PXDNL: variants seen among roughly 807,000 people sequenced by gnomAD.
PXDNL encodes the protein peroxidasin like, also known as probable oxidoreductase PXDNL.
Under a neutral mutation model 150.8 loss-of-function variants are expected in PXDNL, and 145 were observed. The observed-to-expected ratio is 0.96, with a 90% CI of 0.84 to 1.10. The LOEUF (loss-of-function observed/expected upper bound fraction) is 1.10. PXDNL is among the 50% of genes least tolerant of loss of function. PXDNL has a pLI of 0.00. For missense variants in PXDNL, 2,087 were observed against 1,873.9 expected (o/e 1.11, Z -2.10); for synonymous variants, 757 against 725.7 (o/e 1.04, Z -0.69).
chr8:51,673,069 C>T lies in PXDNL; in HGVS notation c.165-18309G>A, dbSNP rs1036050473. Among the ~76,000 whole-genome samples, 9 of 152,132 alleles carry T rather than the reference C, an allele frequency of 5.9e-5. No individual in the cohort carries two copies. In the South Asian group the frequency reaches 1.0e-3, roughly 18 times the overall value. ...AAATTTTGAAAACACTTGGGAAATA[C>T]GCACACACATTCTTCAAATATTAGA... is the stretch of plus-strand genomic sequence containing the variant. On this transcript the variant is annotated intron_variant, in intron 1 of 22. Transcript: ENST00000356297.
chr8:51,634,319 A>G (rs971550155), intron 2 of PXDNL, among the ~76,000 whole-genome samples: 2 of 151,994 alleles, frequency 1.3e-5, no homozygotes, highest in African/African-American at 2.4e-5. Flanking sequence ...TGGGTTCTCT[A>G]TTCTGTTCCA....
chr8:51,669,870 A>G (rs1165088540), intron 1 of PXDNL, among the ~76,000 whole-genome samples: 1 of 152,200 alleles, frequency 6.6e-6, no homozygotes, highest in Non-Finnish European at 1.5e-5. Flanking sequence ...TTAAGAATAT[A>G]AATATACTCC....
intron 17 of PXDNL, among the ~76,000 whole-genome samples, chr8:51,391,682 G>C (rs1313630107): frequency 6.6e-6 from 1 of 152,080 alleles, no homozygotes; most frequent in Non-Finnish European, 1.5e-5. Context: ...CTCCCATTTT[G>C]TATGTTGCCT....
At chr8:51,664,010 C>A (rs1815329376) in intron 1 of PXDNL, among the ~76,000 whole-genome samples, 1 of 148,430 alleles carries the variant, frequency 6.7e-6, no homozygotes, top group African/African-American at 2.5e-5. Flanking sequence ...GAGACTGCAC[C>A]ACTGCACTTC....
Position 51,447,068 on chromosome 8 carries a change from T to G in PXDNL, c.1461A>C (p.Glu487Asp), listed in dbSNP as rs763841342. The change falls in exon 12 of 23, where the codon GAA becomes GAC. Residue 487 changes from glutamate to aspartate, a missense_variant. Physicochemically the swap from Glu to Asp is conservative, Grantham distance 45. Coordinates refer to ENST00000356297, the MANE Select transcript of PXDNL (RefSeq NM_144651.5). Reference protein sequence around the residue: ...RAAQHDQGQYECQAVSSLGVK... With the variant: ...RAAQHDQGQYDCQAVSSLGVK... ...CCCCCAACGAACTGACTGCTTGACA[T>G]TCATATTGGCCTTGATCGTGCTGTG... The G allele has an allele frequency of 6.8e-6, 11 of 1,613,882 alleles. No homozygotes were observed. The highest frequency in any genetic ancestry group is 9.3e-6 in the Non-Finnish European group (11 of 1,179,900).
At chr8:51,484,902 C>T (rs140472638) in intron 5 of PXDNL, among the ~76,000 whole-genome samples, 2 of 152,176 alleles carry the variant, frequency 1.3e-5, no homozygotes, top group East Asian at 3.9e-4. Context: ...GGCAAAGAGC[C>T]TATGTGTGAA....
chr8:51,784,725 T>C (rs2037445129), intron 1 of PXDNL, among the ~76,000 whole-genome samples: 1 of 129,898 alleles, frequency 7.7e-6, no homozygotes, highest in Non-Finnish European at 1.8e-5. Flanking sequence ...CAGAAATTTT[T>C]CCTGCAGTTA....
At position 51,458,629 on chromosome 8, in the gene PXDNL, G is replaced by A. The variant is rs77836972; in HGVS notation, c.813-962C>T. On this transcript the variant is annotated intron_variant, in intron 8 of 22. Transcript: ENST00000356297. ...TTCCCAGAAAAGAAAAAGTGCATTA[G>A]GAGAATTCCATAGTTCTCCCTTTAA... Among the ~76,000 whole-genome samples the A allele has an allele frequency of 2.7e-3, 414 of 152,258 alleles. 3 individuals are homozygous for A. The highest frequency in any genetic ancestry group is 9.6e-3 in the African/African-American group (397 of 41,550).
intron 1 of PXDNL, among the ~76,000 whole-genome samples, chr8:51,656,734 CTAT>C (rs1437734836): frequency 6.6e-6 from 1 of 152,132 alleles, no homozygotes; most frequent in Admixed American, 6.5e-5. Flanking sequence ...GAATTAACTA[CTAT>C]TAATATTTAT....
intron 3 of PXDNL, among the ~76,000 whole-genome samples, chr8:51,565,838 T>C (rs1011614302): frequency 6.6e-5 from 10 of 151,102 alleles, no homozygotes; most frequent in Admixed American, 6.0e-4. Flanking sequence ...TACACCAAAA[T>C]AAAAAAAAAT....
rs182147748 is a variant in PXDNL at position 51,439,646 on chromosome 8, G to A, written c.1525+7358C>T. Among the ~76,000 whole-genome samples the A allele has an allele frequency of 2.0e-3, 300 of 151,962 alleles. 5 individuals carry two copies. Among genetic ancestry groups the A allele is most frequent in the Non-Finnish European group, 4.6e-4 (31 of 67,960 alleles). The stretch of plus-strand genomic sequence containing the variant: ...TCAAGACCAGCCTGGCCAACAGGGC[G>A]AAAAACTGTCTCTACTAAAAATATA... On this transcript the variant is annotated intron_variant, in intron 12 of 22. Transcript: ENST00000356297.
chr8:51,455,186 C>T (rs78003211), intron 9 of PXDNL, among the ~76,000 whole-genome samples: 1,861 of 150,312 alleles, frequency 0.012, 40 homozygotes, highest in African/African-American at 0.043. Flanking sequence ...ATAAATGTTC[C>T]GAGGTAAGTC....
intron 1 of PXDNL, among the ~76,000 whole-genome samples, chr8:51,663,041 C>G (rs1198366052): frequency 1.3e-5 from 2 of 152,166 alleles, no homozygotes; most frequent in African/African-American, 4.8e-5. Context: ...AACAGGAAGG[C>G]ACTCACATAC....
chr8:51,433,006 T>C (rs1432201193), intron 12 of PXDNL, among the ~76,000 whole-genome samples: 2 of 152,092 alleles, frequency 1.3e-5, no homozygotes, highest in Non-Finnish European at 2.9e-5. Flanking sequence ...GCCCAGGACT[T>C]TGAGACCAGC....
At chr8:51,375,873 TAAA>T (rs1807288157) in intron 17 of PXDNL, among the ~76,000 whole-genome samples, 1 of 152,212 alleles carries the variant, frequency 6.6e-6, no homozygotes, top group Non-Finnish European at 1.5e-5. Flanking sequence ...CTGTTTTGCA[TAAA>T]AGCAGCCATA....
intron 1 of PXDNL, among the ~76,000 whole-genome samples, chr8:51,706,311 G>A (rs1248702840): frequency 1.3e-5 from 2 of 150,420 alleles, no homozygotes; most frequent in Non-Finnish European, 1.5e-5. Flanking sequence ...TAATGAGAGC[G>A]AAACTCCGTC....
chr8:51,378,734 G>C (rs1253268145), intron 17 of PXDNL, among the ~76,000 whole-genome samples: 1 of 149,334 alleles, frequency 6.7e-6, no homozygotes, highest in Non-Finnish European at 1.5e-5. Flanking sequence ...AGGACGGGAG[G>C]AACGAACAAC....
At chr8:51,355,932 AACT>A (rs557802825) in intron 19 of PXDNL, among the ~76,000 whole-genome samples, 15 of 152,218 alleles carry the variant, frequency 9.9e-5, no homozygotes, top group Non-Finnish European at 2.1e-4. Flanking sequence ...TTCCTATGTT[AACT>A]ACTGGTGAAA....
chr8:51,643,880 G>T (rs1161826757), intron 2 of PXDNL, among the ~76,000 whole-genome samples: 13 of 152,106 alleles, frequency 8.5e-5, no homozygotes, highest in Admixed American at 8.5e-4. Context: ...ATGGGTGAAG[G>T]ATATGAACAG....
Sources: gnomAD v4.1 joint callset for allele counts (sites outside exome capture counted in the v4.1 genomes callset) on GRCh38, gnomAD v4.1.1 for gene constraint, MANE v1.5 for transcripts, NCBI Gene and HGNC (gene_info 2026-07-23, HGNC 2026-07-21) for gene names.